Variants in FHIP1A observed in about 807,000 individuals in gnomAD.
FHIP1A encodes the protein FHF complex subunit HOOK-interacting protein 1A.
Under a neutral mutation model 88.6 loss-of-function variants are expected in FHIP1A, and 61 were observed. That is an observed-to-expected ratio of 0.69 (90% CI 0.56 to 0.85). The LOEUF is 0.85. FHIP1A is among the 40% of genes least tolerant of loss of function. The pLI is 0.00. For missense variants in FHIP1A, 1,154 were observed against 1,273.5 expected (o/e 0.91, Z 1.43); for synonymous variants, 478 against 496.0 (o/e 0.96, Z 0.48).
chr4:151,429,563 A>C (rs1733514103), intron 1 of FHIP1A, among the ~76,000 whole-genome samples: 1 of 152,196 alleles, frequency 6.6e-6, no homozygotes, highest in Non-Finnish European at 1.5e-5. Context: ...CTTTTGATTA[A>C]AAATAATATC....
intron 3 of FHIP1A, among the ~76,000 whole-genome samples, chr4:151,485,681 T>C (rs1290056735): frequency 6.6e-6 from 1 of 150,866 alleles, no homozygotes; most frequent in Non-Finnish European, 1.5e-5. Context: ...AGCTTTGACC[T>C]CCCGGGCTCA....
chr4:151,514,365 T>C (rs1217503588), intron 3 of FHIP1A, among the ~76,000 whole-genome samples: 4 of 151,352 alleles, frequency 2.6e-5, no homozygotes, highest in African/African-American at 9.7e-5. Flanking sequence ...AGATCCAAAA[T>C]TGACACCCTA....
At chr4:151,627,696 C>T (rs1187264147) in intron 7 of FHIP1A, among the ~76,000 whole-genome samples, 1 of 152,076 alleles carries the variant, frequency 6.6e-6, no homozygotes, top group Non-Finnish European at 1.5e-5. Flanking sequence ...GAGTCATTTC[C>T]CCCTTAGCTA....
intron 1 of FHIP1A, among the ~76,000 whole-genome samples, chr4:151,430,806 T>C (rs1733564161): frequency 6.6e-6 from 1 of 152,214 alleles, no homozygotes; most frequent in South Asian, 2.1e-4. Flanking sequence ...GATACGATGC[T>C]TTCAGTATAG....
intron 1 of FHIP1A, among the ~76,000 whole-genome samples, chr4:151,443,453 T>C (rs1234091793): frequency 6.6e-6 from 1 of 152,084 alleles, no homozygotes; most frequent in Non-Finnish European, 1.5e-5. Flanking sequence ...GGCCACTCTT[T>C]GAAGTACAGT....
intron 3 of FHIP1A, among the ~76,000 whole-genome samples, chr4:151,561,775 G>T (rs958859467): frequency 6.6e-6 from 1 of 151,988 alleles, no homozygotes; most frequent in African/African-American, 2.4e-5. Flanking sequence ...CTCAATCATG[G>T]AATTATATTT....
intron 1 of FHIP1A, among the ~76,000 whole-genome samples, chr4:151,437,610 A>G (rs1728250612): frequency 6.6e-6 from 1 of 152,200 alleles, no homozygotes. Context: ...AGGTTACATT[A>G]CCTCTAACAT....
At chr4:151,471,977 C>A (rs979388441) in intron 2 of FHIP1A, among the ~76,000 whole-genome samples, 5 of 152,102 alleles carry the variant, frequency 3.3e-5, no homozygotes, top group African/African-American at 1.2e-4. Context: ...TGTAGTATTC[C>A]ATGGCATATA....
chr4:151,473,995 C>A (rs543448200), intron 2 of FHIP1A, among the ~76,000 whole-genome samples: 1 of 152,298 alleles, frequency 6.6e-6, no homozygotes, highest in African/African-American at 2.4e-5. Context: ...ACTCATAATA[C>A]AGCTCTAAAA....
chr4:151,601,813 G>C (rs1433548484), intron 7 of FHIP1A, among the ~76,000 whole-genome samples: 1 of 151,552 alleles, frequency 6.6e-6, no homozygotes, highest in African/African-American at 2.4e-5. Context: ...TTTTATATTA[G>C]TCCATTTTCA....
intron 1 of FHIP1A, among the ~76,000 whole-genome samples, chr4:151,416,057 T>C (rs1732880776): frequency 6.6e-6 from 1 of 152,202 alleles, no homozygotes; most frequent in South Asian, 2.1e-4. Context: ...CTCTTCTCCT[T>C]AAATTGTTAA....
intron 1 of FHIP1A, among the ~76,000 whole-genome samples, chr4:151,415,183 G>GT (rs1168176245): frequency 1.5e-3 from 213 of 138,980 alleles, no homozygotes; most frequent in South Asian, 4.4e-3. Flanking sequence ...AGTTTTTTTG[G>GT]TTTTTTTTTT....
At chr4:151,424,951 T>G (rs4235219) in intron 1 of FHIP1A, among the ~76,000 whole-genome samples, 79,071 of 151,964 alleles carry the variant, frequency 0.52, 20,868 homozygotes, top group African/African-American at 0.55. Flanking sequence ...AATGAAATAA[T>G]AGATTTAGAG....
chr4:151,500,785 A>C (rs1330655834), intron 3 of FHIP1A, among the ~76,000 whole-genome samples: 1 of 152,196 alleles, frequency 6.6e-6, no homozygotes, highest in African/African-American at 2.4e-5. Context: ...AAAAAAGCCT[A>C]ATCCTAATTC....
Position 151,528,593 on chromosome 4 carries a change from T to C in FHIP1A, c.-122-37545T>C, listed in dbSNP as rs142196069. 5.9e-3 allele frequency among the ~76,000 whole-genome samples: 892 copies of C among 152,332 alleles called. 5 individuals carry two copies. The highest frequency in any genetic ancestry group is 0.018 in the African/African-American group (754 of 41,586). ...GAGCATTGGGTAAGGCTTCATGTAA[T>C]GGCTCCTGCAGGATTGATACTGCTT... On this transcript the variant is annotated intron_variant, in intron 3 of 13. Coordinates refer to ENST00000435205, the MANE Select transcript of FHIP1A (RefSeq NM_001109977.3).
At chr4:151,560,418 T>A (rs1273172260) in intron 3 of FHIP1A, among the ~76,000 whole-genome samples, 2 of 152,156 alleles carry the variant, frequency 1.3e-5, no homozygotes, top group Admixed American at 1.3e-4. Flanking sequence ...AACTTACATT[T>A]CTGTTTTTTT....
At chr4:151,507,451 T>G (rs2126672257) in intron 3 of FHIP1A, among the ~76,000 whole-genome samples, 1 of 152,316 alleles carries the variant, frequency 6.6e-6, no homozygotes, top group African/African-American at 2.4e-5. Context: ...ATGTGAAAAG[T>G]TAGAACATGT....
At chr4:151,629,924 G>GT (rs993391824) in intron 8 of FHIP1A, 55 bp downstream of exon 8, 2,269 of 1,303,758 alleles carry the variant, frequency 1.7e-3, no homozygotes, top group South Asian at 2.2e-3. Flanking sequence ...TTTCAGGAGA[G>GT]TTTTTTTTTG....
rs1021698439 is a variant in FHIP1A at position 151,577,680 on chromosome 4, T to A, written c.336T>A (p.Asp112Glu). ...FLWSLRREFT[D>E]ETKIEQLKMY... ...GGAGCTTGAGAAGGGAGTTTACTGA[T>A]GAGACTAAAATTGAGCAGCTAAAGA... The change falls in exon 5 of 14, where the codon GAT becomes GAA. Residue 112 changes from aspartate to glutamate, a missense_variant. Transcript: ENST00000435205. 2 of 1,551,598 alleles carry A rather than the reference T, an allele frequency of 1.3e-6. No individual in the cohort carries two copies. The highest frequency in any genetic ancestry group is 2.7e-5 in the African/African-American group (2 of 73,038).
Sources: allele counts gnomAD v4.1 joint callset (sites outside exome capture counted in the v4.1 genomes callset), GRCh38; gene constraint gnomAD v4.1.1; transcripts MANE v1.5; gene names NCBI Gene and HGNC (gene_info 2026-07-23, HGNC 2026-07-21).